KCNIP4: variants seen among roughly 807,000 people sequenced by gnomAD.
KCNIP4 encodes potassium voltage-gated channel interacting protein 4.
Under a neutral mutation model 34.0 loss-of-function variants are expected in KCNIP4, and 12 were observed. The ratio of observed to expected loss-of-function variants is 0.35; its 90% CI spans 0.23 to 0.57. The LOEUF (loss-of-function observed/expected upper bound fraction) is 0.57, where lower values mean the gene tolerates loss of function less well. KCNIP4 is among the 20% of genes least tolerant of loss of function. The pLI, the probability that KCNIP4 is intolerant of heterozygous loss-of-function variation, is 0.83. For synonymous variants in KCNIP4, 124 were observed against 102.2 expected (o/e 1.21, Z -1.29); for missense variants, 238 against 311.7 (o/e 0.76, Z 1.78).
At chr4:21,071,749 C>T (rs185412658) in intron 1 of KCNIP4, among the ~76,000 whole-genome samples, 30 of 152,148 alleles carry the variant, frequency 2.0e-4, no homozygotes, top group South Asian at 1.0e-3. Flanking sequence ...CCCATTAACT[C>T]GTCATTTACA....
chr4:20,949,092 G>A (rs1466695483), intron 1 of KCNIP4, among the ~76,000 whole-genome samples: 1 of 152,106 alleles, frequency 6.6e-6, no homozygotes, highest in East Asian at 1.9e-4. Context: ...ATATAAATGT[G>A]GCCTTTCTCC....
intron 1 of KCNIP4, among the ~76,000 whole-genome samples, chr4:21,629,849 C>CTT (rs5856652): frequency 6.2e-4 from 54 of 87,788 alleles, no homozygotes; most frequent in South Asian, 5.5e-3. Context: ...CTTTTTCTTT[C>CTT]TTTTTTTTTT....
At position 21,226,353 on chromosome 4, in the gene KCNIP4, G is replaced by GAGAAGGAAGGAAGGAAGGAAGGAAGGAA. The variant is rs1478370240; in HGVS notation, c.62-343672_62-343645dup. Among the ~76,000 whole-genome samples, 54 of 58,954 alleles carry GAGAAGGAAGGAAGGAAGGAAGGAAGGAA rather than the reference G, an allele frequency of 9.2e-4. 1 individual carries two copies. Among genetic ancestry groups the GAGAAGGAAGGAAGGAAGGAAGGAAGGAA allele is most frequent in the African/African-American group, 7.1e-3 (53 of 7,498 alleles). The allele number at this position is 58,954 out of a possible 152,430, so 38.7% of individuals were successfully genotyped here. A position where few individuals can be genotyped will look rare whatever the true frequency, so the allele number is the denominator to read the frequency against. ...GAAGGAAGGGAAGGAAGAGAAGGAA[G>GAGAAGGAAGGAAGGAAGGAAGGAAGGAA]AGAAGGAAGGAAGGAAGGAAGGAAG... On this transcript the variant is annotated intron_variant, in intron 1 of 8. Coordinates refer to ENST00000382152, the MANE Select transcript of KCNIP4 (RefSeq NM_025221.6).
intron 1 of KCNIP4, among the ~76,000 whole-genome samples, chr4:21,125,958 G>A (rs1750580451): frequency 6.6e-6 from 1 of 151,912 alleles, no homozygotes; most frequent in Non-Finnish European, 1.5e-5. Context: ...GTTACTATAT[G>A]GTTAAAGCCT....
At chr4:21,741,751 A>G (rs557116050) in intron 1 of KCNIP4, among the ~76,000 whole-genome samples, 45 of 152,256 alleles carry the variant, frequency 3.0e-4, no homozygotes, top group African/African-American at 1.0e-3. Context: ...ACTGAAAAAT[A>G]CACTAGGCCG....
At chr4:21,833,945 A>G (rs1219271691) in intron 1 of KCNIP4, among the ~76,000 whole-genome samples, 12 of 151,642 alleles carry the variant, frequency 7.9e-5, no homozygotes, top group Admixed American at 5.9e-4. Flanking sequence ...TGTTCCATTG[A>G]TCTATATCTC....
intron 1 of KCNIP4, among the ~76,000 whole-genome samples, chr4:21,102,154 T>A (rs975711187): frequency 6.6e-6 from 1 of 152,242 alleles, no homozygotes; most frequent in Admixed American, 6.5e-5. Context: ...AGTGATTCTC[T>A]TTCAACTATT....
At chr4:21,142,226 G>A (rs887872862) in intron 1 of KCNIP4, among the ~76,000 whole-genome samples, 23 of 151,894 alleles carry the variant, frequency 1.5e-4, no homozygotes, top group African/African-American at 4.6e-4. Context: ...CTGGGCTGAG[G>A]ATCTTAGAAA....
intron 3 of KCNIP4, among the ~76,000 whole-genome samples, chr4:20,775,265 A>G (rs1350317250): frequency 2.0e-5 from 3 of 152,238 alleles, no homozygotes; most frequent in African/African-American, 7.2e-5. Flanking sequence ...ATCTCCAAAA[A>G]TTAAAAGTAA....
At chr4:21,693,108 C>CCTTCTCTT (rs1711867333) in intron 1 of KCNIP4, among the ~76,000 whole-genome samples, 10 of 28,920 alleles carry the variant, frequency 3.5e-4, no homozygotes, top group Non-Finnish European at 4.5e-4. Flanking sequence ...ATCACCTCTT[C>CCTTCTCTT]CAGACAGAGT....
At chr4:21,319,881 T>C (rs570981494) in intron 1 of KCNIP4, among the ~76,000 whole-genome samples, 2 of 152,126 alleles carry the variant, frequency 1.3e-5, no homozygotes, top group Non-Finnish European at 2.9e-5. Flanking sequence ...CAGTATGGAA[T>C]AGAAAAGAAA....
chr4:21,875,442 T>G (rs1469019406), intron 1 of KCNIP4, among the ~76,000 whole-genome samples: 1 of 152,180 alleles, frequency 6.6e-6, no homozygotes, highest in African/African-American at 2.4e-5. Context: ...ACTCATAAAA[T>G]GCTTTTCTAC....
intron 1 of KCNIP4, among the ~76,000 whole-genome samples, chr4:21,772,677 C>A (rs1286187976): frequency 6.6e-6 from 1 of 152,098 alleles, no homozygotes; most frequent in African/African-American, 2.4e-5. Context: ...GAAATTTACC[C>A]ATTTCTTCTA....
At chr4:21,009,132 A>G (rs1260076682) in intron 1 of KCNIP4, among the ~76,000 whole-genome samples, 1 of 152,206 alleles carries the variant, frequency 6.6e-6, no homozygotes, top group Non-Finnish European at 1.5e-5. Flanking sequence ...AAATCCGATT[A>G]AAAGTGTAGA....
intron 1 of KCNIP4, among the ~76,000 whole-genome samples, chr4:21,581,903 A>G (rs141849457): frequency 6.6e-6 from 1 of 152,048 alleles, no homozygotes; most frequent in East Asian, 1.9e-4. Flanking sequence ...TGGGTCATGA[A>G]CCCAATTTAA....
Position 21,729,631 on chromosome 4 carries a change from T to G in KCNIP4, c.61+218940A>C, listed in dbSNP as rs139253880. On this transcript the variant is annotated intron_variant, in intron 1 of 8. Coordinates refer to ENST00000382152, the MANE Select transcript of KCNIP4 (RefSeq NM_025221.6). ...GAATGAAAAGAATTAATACAAGAAT[T>G]CTAAAAGCAAAGGTATGCCTCTGCT... Among the ~76,000 whole-genome samples the G allele has an allele frequency of 1.8e-3, 279 of 152,228 alleles. 1 individual carries two copies. Among genetic ancestry groups the G allele is most frequent in the African/African-American group, 6.2e-3 (257 of 41,542 alleles).
At chr4:21,562,234 T>C (rs1385044356) in intron 1 of KCNIP4, among the ~76,000 whole-genome samples, 1 of 151,602 alleles carries the variant, frequency 6.6e-6, no homozygotes, top group East Asian at 1.9e-4. Flanking sequence ...AAAAAAAAAT[T>C]GCTGAACCCT....
intron 1 of KCNIP4, among the ~76,000 whole-genome samples, chr4:21,267,578 A>G (rs1334364853): frequency 6.7e-6 from 1 of 149,014 alleles, no homozygotes. Context: ...AATTTTGTCA[A>G]AGGCCTTTTC....
At chr4:21,107,009 T>G (rs1390562570) in intron 1 of KCNIP4, among the ~76,000 whole-genome samples, 1 of 149,138 alleles carries the variant, frequency 6.7e-6, no homozygotes, top group Non-Finnish European at 1.5e-5. Flanking sequence ...AGGAGAGCTT[T>G]ACTTCCAAGT....
Sources: allele counts gnomAD v4.1 joint callset (sites outside exome capture counted in the v4.1 genomes callset), GRCh38; gene constraint gnomAD v4.1.1; transcripts MANE v1.5; gene names NCBI Gene and HGNC (gene_info 2026-07-23, HGNC 2026-07-21).